MAP4K4: variants seen among roughly 807,000 people sequenced by gnomAD.
MAP4K4 encodes HPK/GCK-like kinase HGK.
A neutral mutation model predicts 189.6 loss-of-function variants in MAP4K4; 38 were observed. That is an observed-to-expected ratio of 0.20 (90% CI 0.15 to 0.26). The LOEUF is 0.26. Ranked by LOEUF, MAP4K4 falls within the 10% of genes least tolerant of loss-of-function variation. The pLI is 1.00. For missense variants in MAP4K4, 1,054 were observed against 1,726.9 expected, an observed-to-expected ratio of 0.61 and a Z score of 6.91; for synonymous variants, 610 against 624.3, an observed-to-expected ratio of 0.98 and a Z score of 0.34.
At chr2:101,890,781 G>A (rs2098554677) in intron 32 of MAP4K4, among the ~76,000 whole-genome samples, 1 of 151,188 alleles carries the variant, frequency 6.6e-6, no homozygotes, top group Non-Finnish European at 1.5e-5. Flanking sequence ...TATTTTTTGA[G>A]ACAGAGTCTT....
chr2:101,764,636 T>C (rs1395375511), intron 2 of MAP4K4, among the ~76,000 whole-genome samples: 1 of 152,218 alleles, frequency 6.6e-6, no homozygotes. Flanking sequence ...TTGTTATTAA[T>C]CATCTAATAA....
chr2:101,773,119 T>C (rs1362511614), intron 2 of MAP4K4, among the ~76,000 whole-genome samples: 1 of 152,200 alleles, frequency 6.6e-6, no homozygotes, highest in Non-Finnish European at 1.5e-5. Context: ...TTGGACCTAA[T>C]GGACCCCAGC....
At chr2:101,859,777 G>A (rs746007591) in exon 15 of MAP4K4, 32 of 1,610,068 alleles carry the variant, frequency 2.0e-5, no homozygotes, top group Middle Eastern at 1.6e-4. Flanking sequence ...CGCAGCAGCC[G>A]CCACCACCGC....
chr2:101,706,220 C>T (rs1438952345), intron 2 of MAP4K4, among the ~76,000 whole-genome samples: 1 of 152,068 alleles, frequency 6.6e-6, no homozygotes, highest in Admixed American at 6.6e-5. Flanking sequence ...ACTTATGTGG[C>T]TAGTTCATTT....
intron 2 of MAP4K4, among the ~76,000 whole-genome samples, chr2:101,705,688 CT>C (rs2041966861): frequency 6.6e-6 from 1 of 152,130 alleles, no homozygotes; most frequent in Non-Finnish European, 1.5e-5. Context: ...TTTTTATATA[CT>C]TTTAATTTCA....
chr2:101,728,773 C>T (rs2056884509), intron 2 of MAP4K4, among the ~76,000 whole-genome samples: 1 of 152,242 alleles, frequency 6.6e-6, no homozygotes, highest in African/African-American at 2.4e-5. Context: ...CCCACCGCTG[C>T]TTCCCAAAGT....
intron 2 of MAP4K4, among the ~76,000 whole-genome samples, chr2:101,718,017 G>A (rs1158558038): frequency 6.6e-6 from 1 of 151,948 alleles, no homozygotes; most frequent in Non-Finnish European, 1.5e-5. Flanking sequence ...AGCACTTTGG[G>A]AGGCCAAGGT....
chr2:101,890,648 G>A (rs1338055794), intron 32 of MAP4K4, among the ~76,000 whole-genome samples: 2 of 151,788 alleles, frequency 1.3e-5, no homozygotes, highest in East Asian at 1.9e-4. Flanking sequence ...GTAGAGATGC[G>A]GTTTCACTAT....
intron 1 of MAP4K4, 132 bp from the exon 2 acceptor site, chr2:101,698,341 C>G (rs963689587): frequency 8.9e-6 from 8 of 900,318 alleles, no homozygotes; most frequent in Non-Finnish European, 1.4e-5. Context: ...GCGCGACCCC[C>G]GGGCGCTGGG....
intron 1 of MAP4K4, 136 bp from the exon 2 acceptor site, chr2:101,698,337 C>A (rs2035753725): frequency 4.6e-6 from 4 of 861,942 alleles, no homozygotes; most frequent in South Asian, 2.9e-5. Flanking sequence ...CGCCGCGCGA[C>A]CCCCGGGCGC....
intron 12 of MAP4K4, among the ~76,000 whole-genome samples, chr2:101,849,625 C>CTTT (rs370459029): frequency 0.057 from 8,127 of 143,446 alleles, 641 homozygotes; most frequent in African/African-American, 0.17. Context: ...GTTTTGTGCT[C>CTTT]TTTTTTTTTT....
intron 18 of MAP4K4, among the ~76,000 whole-genome samples, chr2:101,866,080 A>G (rs1323697938): frequency 6.6e-6 from 1 of 152,240 alleles, no homozygotes; most frequent in Non-Finnish European, 1.5e-5. Flanking sequence ...AGTTTTGTGT[A>G]TAATTATACA....
chr2:101,729,120 G>GTGTGTGT (rs2057201337), intron 2 of MAP4K4, among the ~76,000 whole-genome samples: 1 of 151,908 alleles, frequency 6.6e-6, no homozygotes, highest in Non-Finnish European at 1.5e-5. Flanking sequence ...GTGTGTGTGT[G>GTGTGTGT]TGTGTGTGTG....
At chr2:101,788,969 C>A (rs17026090) in intron 2 of MAP4K4, among the ~76,000 whole-genome samples, 3,110 of 152,236 alleles carry the variant, frequency 0.02, 119 homozygotes, top group African/African-American at 0.071. Flanking sequence ...AGGTGTTACC[C>A]TATCAGATAC....
intron 2 of MAP4K4, among the ~76,000 whole-genome samples, chr2:101,716,627 T>C (rs572472092): frequency 6.6e-6 from 1 of 152,318 alleles, no homozygotes; most frequent in African/African-American, 2.4e-5. Context: ...TGCCTGAAAC[T>C]TGCTGGCTTC....
chr2:101,716,638 G>A (rs185767220), intron 2 of MAP4K4, among the ~76,000 whole-genome samples: 32 of 152,198 alleles, frequency 2.1e-4, no homozygotes, highest in African/African-American at 7.2e-4. Flanking sequence ...TGCTGGCTTC[G>A]TGTTGTATAA....
intron 2 of MAP4K4, among the ~76,000 whole-genome samples, chr2:101,788,070 C>T (rs559918218): frequency 9.9e-5 from 15 of 150,994 alleles, no homozygotes; most frequent in Non-Finnish European, 1.9e-4. Flanking sequence ...TCCCAAAGTT[C>T]TGGGATTATA....
chr2:101,798,982 A>C (rs1259142242), intron 3 of MAP4K4, among the ~76,000 whole-genome samples: 9 of 152,222 alleles, frequency 5.9e-5, no homozygotes, highest in African/African-American at 1.9e-4. Flanking sequence ...AGTGGTTAGG[A>C]GTGAGTACAT....
intron 10 of MAP4K4, 34 bp from the exon 11 acceptor site, chr2:101,842,575 A>G (rs769427561): frequency 8.6e-6 from 13 of 1,510,330 alleles, no homozygotes; most frequent in Admixed American, 7.6e-5. Context: ...AGGACTTGTG[A>G]ACTGTCCCAT....
Sources: gnomAD v4.1 joint callset for allele counts (sites outside exome capture counted in the v4.1 genomes callset) on GRCh38, gnomAD v4.1.1 for gene constraint, MANE v1.5 for transcripts, NCBI Gene and HGNC (gene_info 2026-07-23, HGNC 2026-07-21) for gene names.